Variants in PRKAG2 observed in about 807,000 individuals in gnomAD.
The protein encoded by PRKAG2 is 5'-AMP-activated protein kinase subunit gamma-2.
PRKAG2 carries 26 observed loss-of-function variants against 69.6 expected under a neutral mutation model. That is an observed-to-expected ratio of 0.37 (90% CI 0.27 to 0.52). The LOEUF is 0.52. Among genes scored for constraint, PRKAG2 ranks in the 20% least tolerant of loss-of-function variants. The pLI, the probability that PRKAG2 is intolerant of heterozygous loss-of-function variation, is 0.90. For synonymous variants in PRKAG2, 293 were observed against 285.0 expected (o/e 1.03, Z -0.28); for missense variants, 557 against 740.0 (o/e 0.75, Z 2.87).
At chr7:151,843,573 G>T (rs10261999) in intron 1 of PRKAG2, among the ~76,000 whole-genome samples, 64,264 of 152,090 alleles carry the variant, frequency 0.42, 13,690 homozygotes, top group Middle Eastern at 0.52. Context: ...GAGAATAAAT[G>T]GATTTCTGCT....
At chr7:151,666,221 C>A (rs932640668) in intron 4 of PRKAG2, among the ~76,000 whole-genome samples, 2 of 152,186 alleles carry the variant, frequency 1.3e-5, no homozygotes, top group Admixed American at 1.3e-4. Flanking sequence ...TATGCTGGAT[C>A]CCTAACCTCC....
rs1404996528 is a variant in PRKAG2, at chr7:151,756,095, G to T, written c.466+25057C>A. On this transcript the variant is annotated intron_variant, in intron 3 of 15. Coordinates refer to ENST00000287878, the MANE Select transcript of PRKAG2 (RefSeq NM_016203.4). This position sits in a 1 kb window ranked among gnomAD's most constrained non-coding sequence, Gnocchi z 4.9. ...TCCTCTTCTCAGGCCTCTCCCCCTG[G>T]ACCACCAGTGATGCCGGCAGCCACA... Among the ~76,000 whole-genome samples, 1 of 152,036 alleles carries T rather than the reference G, an allele frequency of 6.6e-6. No individual in the cohort carries two copies.
intron 1 of PRKAG2, among the ~76,000 whole-genome samples, chr7:151,875,958 TC>T (rs1443480958): frequency 1.3e-5 from 2 of 150,148 alleles, no homozygotes. Flanking sequence ...AGACCCCCGC[TC>T]CAGGCCCAGA....
intron 3 of PRKAG2, among the ~76,000 whole-genome samples, chr7:151,698,731 A>T (rs1287333632): frequency 1.3e-5 from 2 of 152,180 alleles, no homozygotes; most frequent in Non-Finnish European, 2.9e-5. Context: ...TAATTTGCCC[A>T]AACTCAGATA....
Position 151,795,890 on chromosome 7 carries a change from T to TATAAAA in PRKAG2, c.115-9350_115-9349insTTTTAT, listed in dbSNP as rs1491286413. Among the ~76,000 whole-genome samples the TATAAAA allele has an allele frequency of 1.3e-3, 123 of 96,574 alleles. 1 individual carries two copies. Among genetic ancestry groups the TATAAAA allele is most frequent in the African/African-American group, 5.2e-3 (119 of 22,736 alleles). The allele number at this position is 96,574 out of a possible 152,430, so 63.4% of individuals were successfully genotyped here. A position where few individuals can be genotyped will look rare whatever the true frequency, so the allele number is the denominator to read the frequency against. ...ATATATATATATATATATATATATATCACGATAATATGTATATGTAATCAT... is the reference window on the plus strand; with the variant it reads ...ATATATATATATATATATATATATATATAAAACACGATAATATGTATATGTAATCAT... On this transcript the variant is annotated intron_variant, in intron 1 of 15. Transcript: ENST00000287878.
rs1223573990 is a variant in PRKAG2 at position 151,807,656 on chromosome 7, A to T, written c.115-21115T>A. The T allele has an allele frequency of 2.2e-6, 1 of 456,432 alleles. No individual in the cohort carries two copies. Among genetic ancestry groups the T allele is most frequent in the African/African-American group, 2.0e-5 (1 of 50,050 alleles). 28.3% of individuals were successfully genotyped at this position (456,432 alleles called of 1,614,324 possible). A position where few individuals can be genotyped will look rare whatever the true frequency, so the allele number is the denominator to read the frequency against. On this transcript the variant is annotated intron_variant, in intron 1 of 15. Coordinates refer to ENST00000287878, the MANE Select transcript of PRKAG2 (RefSeq NM_016203.4). The surrounding 1 kb of genome is among the most constrained non-coding windows in gnomAD (Gnocchi z 4.4). Reference sequence around the variant, plus strand: ...AACAGGTAAGTCCCAGCAGGGTGCGATGTCCCAAACCTACACAACCGTTTC... The same window carrying T: ...AACAGGTAAGTCCCAGCAGGGTGCGTTGTCCCAAACCTACACAACCGTTTC...
chr7:151,700,228 C>T (rs1406279093), intron 3 of PRKAG2, among the ~76,000 whole-genome samples: 1 of 152,176 alleles, frequency 6.6e-6, no homozygotes, highest in Non-Finnish European at 1.5e-5. Context: ...GCGTATTATA[C>T]GCCGGGCTGT....
chr7:151,790,025 C>G (rs1393466044), intron 1 of PRKAG2, among the ~76,000 whole-genome samples: 1 of 152,192 alleles, frequency 6.6e-6, no homozygotes, highest in Non-Finnish European at 1.5e-5. Context: ...GGAATGCTGT[C>G]TTAACTCCTC....
chr7:151,728,305 C>T (rs535332635), intron 3 of PRKAG2, among the ~76,000 whole-genome samples: 5 of 152,270 alleles, frequency 3.3e-5, no homozygotes, highest in Admixed American at 2.6e-4. Flanking sequence ...AAATTATTAC[C>T]GCAGGGCAGA....
intron 3 of PRKAG2, among the ~76,000 whole-genome samples, chr7:151,772,380 C>A (rs77461458): frequency 0.015 from 2,272 of 152,266 alleles, 53 homozygotes; most frequent in African/African-American, 0.051. Flanking sequence ...CTTCTCCAAC[C>A]AAAACTCACC....
chr7:151,672,147 G>C (rs1033352931), intron 4 of PRKAG2, among the ~76,000 whole-genome samples: 1 of 150,968 alleles, frequency 6.6e-6, no homozygotes. Flanking sequence ...TGTCGCCCAG[G>C]CTGGAGTGCA....
At chr7:151,720,905 T>G (rs1586047574) in intron 3 of PRKAG2, among the ~76,000 whole-genome samples, 6 of 10,422 alleles carry the variant, frequency 5.8e-4, no homozygotes, top group South Asian at 3.9e-3. Flanking sequence ...CAGAGGGTAG[T>G]GGTGGGGGGA....
intron 5 of PRKAG2, among the ~76,000 whole-genome samples, chr7:151,621,582 T>G (rs1262362798): frequency 6.6e-6 from 1 of 152,112 alleles, no homozygotes; most frequent in Non-Finnish European, 1.5e-5. Flanking sequence ...CATTCACAGG[T>G]TCGCCAATTT....
chr7:151,829,800 C>A (rs1475314082), intron 1 of PRKAG2, among the ~76,000 whole-genome samples: 1 of 151,890 alleles, frequency 6.6e-6, no homozygotes, highest in Non-Finnish European at 1.5e-5. Flanking sequence ...CTTCCGGGGA[C>A]CCTGCAGCGG....
At position 151,632,449 on chromosome 7, in the gene PRKAG2, C is replaced by T; in HGVS notation, c.685-311G>A. 1 of 626,790 alleles carries T rather than the reference C, an allele frequency of 1.6e-6. No individual in the cohort carries two copies. The highest frequency in any genetic ancestry group is 7.0e-5 in the South Asian group (1 of 14,238). 38.8% of individuals were successfully genotyped at this position (626,790 alleles called of 1,614,324 possible). On this transcript the variant is annotated intron_variant, in intron 4 of 15. Coordinates refer to ENST00000287878, the MANE Select transcript of PRKAG2 (RefSeq NM_016203.4). This position sits in a 1 kb window ranked among gnomAD's most constrained non-coding sequence, Gnocchi z 4.2. The stretch of plus-strand genomic sequence containing the variant: ...AAGCGTGGGAAGGGACCCGGGAGCT[C>T]GAGGGCGGCAGCGCCTGGGCCCGGG...
chr7:151,842,219 AGG>A (rs2079316793), intron 1 of PRKAG2, among the ~76,000 whole-genome samples: 1 of 112,322 alleles, frequency 8.9e-6, no homozygotes. Flanking sequence ...TAGTGATGGT[AGG>A]TAGTGATGAT....
chr7:151,778,758 A>G (rs530206400), intron 3 of PRKAG2, among the ~76,000 whole-genome samples: 12 of 152,304 alleles, frequency 7.9e-5, no homozygotes, highest in Admixed American at 1.3e-4. Flanking sequence ...ATTCATTTTT[A>G]ATTACCAATA....
At chr7:151,621,514 CACAAA>C (rs373031474) in intron 5 of PRKAG2, among the ~76,000 whole-genome samples, 1,889 of 152,072 alleles carry the variant, frequency 0.012, 28 homozygotes, top group African/African-American at 0.043. Flanking sequence ...GAGACCCTGT[CACAAA>C]ACAAAACAAA....
At chr7:151,588,035 C>A (rs1035586708) in intron 6 of PRKAG2, among the ~76,000 whole-genome samples, 6 of 152,108 alleles carry the variant, frequency 3.9e-5, no homozygotes, top group Admixed American at 6.6e-5. Flanking sequence ...AAAAAGCTAT[C>A]ATTTGTAGAG....
Sources: allele counts gnomAD v4.1 joint callset (sites outside exome capture counted in the v4.1 genomes callset), GRCh38; gene constraint gnomAD v4.1.1; non-coding constraint Gnocchi (gnomAD v3.1); transcripts MANE v1.5; gene names NCBI Gene and HGNC (gene_info 2026-07-23, HGNC 2026-07-21).